The following CHRM3 variants were observed in gnomAD, a reference collection of about 807,000 sequenced individuals.
CHRM3 encodes muscarinic acetylcholine receptor M3.
Under a neutral mutation model 41.8 loss-of-function variants are expected in CHRM3, and 11 were observed. The observed-to-expected ratio is 0.26, with a 90% CI of 0.17 to 0.44. The LOEUF is 0.44. CHRM3 is among the 20% of genes least tolerant of loss of function. The pLI, the probability that CHRM3 is intolerant of heterozygous loss-of-function variation, is 1.00. For synonymous variants in CHRM3, 297 were observed against 301.4 expected (o/e 0.99, Z 0.15); for missense variants, 571 against 745.4 (o/e 0.77, Z 2.72).
At chr1:239,744,666 G>A (rs930369148) in intron 5 of CHRM3, among the ~76,000 whole-genome samples, 6 of 152,190 alleles carry the variant, frequency 3.9e-5, no homozygotes, top group African/African-American at 1.4e-4. Flanking sequence ...GTATATTTTA[G>A]AGATTTTCAT....
Position 239,910,315 on chromosome 1 carries a change from ATG to A in CHRM3, c.*1095_*1096del, listed in dbSNP as rs367567825. On this transcript the variant is annotated 3_prime_UTR_variant, in exon 7 of 7. Coordinates refer to ENST00000676153, the MANE Select transcript of CHRM3 (RefSeq NM_001375978.1). ...ATGTCATACACAGCAATATATATAT[ATG>A]TGTATATATATATATATGGCAAAGC... The A allele has an allele frequency of 0.096, 14,936 of 156,046 alleles. 720 individuals are homozygous for A. Among genetic ancestry groups the A allele is most frequent in the Admixed American group, 0.12 (1,693 of 14,312 alleles). 9.7% of individuals were successfully genotyped at this position (156,046 alleles called of 1,614,324 possible).
At chr1:239,713,790 A>G (rs1662058484) in intron 5 of CHRM3, among the ~76,000 whole-genome samples, 2 of 152,170 alleles carry the variant, frequency 1.3e-5, no homozygotes, top group South Asian at 4.1e-4. Context: ...TCTTTCACTA[A>G]CAAACATGCC....
At chr1:239,881,360 C>T (rs1677619872) in intron 6 of CHRM3, among the ~76,000 whole-genome samples, 1 of 150,512 alleles carries the variant, frequency 6.6e-6, no homozygotes, top group Admixed American at 6.6e-5. Context: ...GAGCTGCCAC[C>T]AGCTGGCCTC....
intron 3 of CHRM3, among the ~76,000 whole-genome samples, chr1:239,597,226 G>A (rs572110427): frequency 7.9e-5 from 12 of 152,020 alleles, no homozygotes; most frequent in East Asian, 1.9e-4. Context: ...ACTGGGCACC[G>A]GAGAAAAAAG....
chr1:239,759,158 TTTTTTTTTTTG>T (rs1666493687), intron 5 of CHRM3, among the ~76,000 whole-genome samples: 4 of 128,206 alleles, frequency 3.1e-5, no homozygotes, highest in African/African-American at 1.1e-4. Context: ...GCTTTATGGG[TTTTTTTTTTTG>T]TTTTTTTTTT....
intron 6 of CHRM3, among the ~76,000 whole-genome samples, chr1:239,852,236 A>G (rs1382802427): frequency 6.6e-6 from 1 of 152,156 alleles, no homozygotes; most frequent in Non-Finnish European, 1.5e-5. Flanking sequence ...TGAAAAATCT[A>G]TGTTTGTTTC....
At chr1:239,452,834 T>C (rs1164895781) in intron 1 of CHRM3, among the ~76,000 whole-genome samples, 1 of 152,210 alleles carries the variant, frequency 6.6e-6, no homozygotes, top group Non-Finnish European at 1.5e-5. Context: ...GGAGTCTTAC[T>C]CTGTCACCCA....
intron 6 of CHRM3, among the ~76,000 whole-genome samples, chr1:239,892,110 G>A (rs1398256392): frequency 6.6e-6 from 1 of 152,146 alleles, no homozygotes; most frequent in Non-Finnish European, 1.5e-5. Flanking sequence ...TTTAGAATAA[G>A]GATTCACACT....
intron 5 of CHRM3, among the ~76,000 whole-genome samples, chr1:239,722,927 A>G (rs994443802): frequency 2.6e-5 from 4 of 151,970 alleles, no homozygotes; most frequent in Non-Finnish European, 5.9e-5. Context: ...AAAATCAACT[A>G]GAATTGGTTG....
chr1:239,708,525 A>C (rs1661411217), intron 5 of CHRM3, among the ~76,000 whole-genome samples: 2 of 152,088 alleles, frequency 1.3e-5, no homozygotes, highest in Non-Finnish European at 2.9e-5. Context: ...ACGTAAAAGA[A>C]CATCTCAGCA....
chr1:239,637,074 A>G (rs912729447), intron 4 of CHRM3, among the ~76,000 whole-genome samples: 3 of 152,226 alleles, frequency 2.0e-5, no homozygotes, highest in African/African-American at 4.8e-5. Context: ...TTGAATTTAT[A>G]TAGAACTTCC....
intron 1 of CHRM3, among the ~76,000 whole-genome samples, chr1:239,448,775 TTTTG>T (rs901754584): frequency 1.3e-4 from 20 of 152,268 alleles, no homozygotes; most frequent in African/African-American, 3.6e-4. Context: ...CATTAGTATT[TTTTG>T]TTTGTTTGTT....
chr1:239,653,052 T>A (rs536213265), intron 4 of CHRM3, among the ~76,000 whole-genome samples: 4 of 152,234 alleles, frequency 2.6e-5, no homozygotes, highest in Non-Finnish European at 5.9e-5. Context: ...CAGACCATAG[T>A]TAATGTGGAA....
chr1:239,432,971 T>C (rs1558219627), intron 1 of CHRM3, among the ~76,000 whole-genome samples: 2 of 152,170 alleles, frequency 1.3e-5, no homozygotes, highest in African/African-American at 2.4e-5. Flanking sequence ...ACATTTCCAG[T>C]CTTGACTTTT....
intron 6 of CHRM3, among the ~76,000 whole-genome samples, chr1:239,882,513 T>C (rs1677729454): frequency 6.6e-6 from 1 of 152,178 alleles, no homozygotes; most frequent in African/African-American, 2.4e-5. Context: ...GGTGCTGTTA[T>C]CAACCTCCGT....
At chr1:239,831,444 T>A (rs995655861) in intron 6 of CHRM3, among the ~76,000 whole-genome samples, 4 of 152,154 alleles carry the variant, frequency 2.6e-5, no homozygotes, top group African/African-American at 7.2e-5. Flanking sequence ...GTCACAATAC[T>A]GGAAGGAACC....
chr1:239,450,665 A>C (rs1301736642), intron 1 of CHRM3, among the ~76,000 whole-genome samples: 1 of 152,208 alleles, frequency 6.6e-6, no homozygotes, highest in African/African-American at 2.4e-5. Flanking sequence ...CTGGGTACGT[A>C]CATTTTTTAT....
At chr1:239,430,214 C>T (rs1662723061) in intron 1 of CHRM3, among the ~76,000 whole-genome samples, 1 of 151,878 alleles carries the variant, frequency 6.6e-6, no homozygotes, top group African/African-American at 2.4e-5. Context: ...GATCCGCCCT[C>T]CTCAGCCTCC....
intron 6 of CHRM3, among the ~76,000 whole-genome samples, chr1:239,886,802 C>T (rs1320047058): frequency 1.3e-5 from 2 of 152,142 alleles, no homozygotes; most frequent in East Asian, 1.9e-4. Flanking sequence ...TGTTCCAGCC[C>T]GGTTCCAAAG....
Sources: allele counts gnomAD v4.1 joint callset (sites outside exome capture counted in the v4.1 genomes callset), GRCh38; gene constraint gnomAD v4.1.1; transcripts MANE v1.5; gene names NCBI Gene and HGNC (gene_info 2026-07-23, HGNC 2026-07-21).